The following SART3 variants were observed in gnomAD, a reference collection of about 807,000 sequenced individuals.
The protein encoded by SART3 is HIV-1 Tat-interacting protein of 110kDa.
Under a neutral mutation model 122.3 loss-of-function variants are expected in SART3, and 44 were observed. The observed-to-expected ratio is 0.36, with a 90% CI of 0.28 to 0.46. The LOEUF (loss-of-function observed/expected upper bound fraction) is 0.46, where lower values mean the gene tolerates loss of function less well. Ranked by LOEUF, SART3 falls within the 20% of genes least tolerant of loss-of-function variation. The pLI is 1.00. For missense variants in SART3, 1,101 were observed against 1,229.0 expected, an observed-to-expected ratio of 0.90 and a Z score of 1.56; for synonymous variants, 442 against 454.0, an observed-to-expected ratio of 0.97 and a Z score of 0.34.
At position 108,545,238 on chromosome 12, in the gene SART3, A is replaced by G. The variant is rs368050558; in HGVS notation, c.630T>C (p.Phe210=). 2.5e-6 allele frequency: 4 copies of G among 1,614,168 alleles called. No homozygotes were observed. The highest frequency in any genetic ancestry group is 3.4e-6 in the Non-Finnish European group (4 of 1,180,024). ...KGGLEKVRSV[F]ERALSSVGLH... ...AACCAACAGACGAGAGAGCCCTTTC[A>G]AACACGGAGCGAACTTTCTCAAGGC... The change falls in exon 4 of 19, where the codon TTT becomes TTC. Residue 210 remains phenylalanine (F), a synonymous_variant. Transcript: ENST00000546815.
chr12:108,538,870 C>G, intron 7 of SART3, 64 bp downstream of exon 7: 1 of 1,603,774 alleles, frequency 6.2e-7, no homozygotes, highest in Admixed American at 1.7e-5. Context: ...TCCTGGCACT[C>G]TTACTGATTT....
intron 17 of SART3, 102 bp from the exon 18 acceptor site, chr12:108,524,608 C>T (rs1872281620): frequency 4.6e-6 from 5 of 1,079,902 alleles, no homozygotes; most frequent in Non-Finnish European, 7.1e-6. Flanking sequence ...GACCAGCAGA[C>T]CAGGCCACAG....
chr12:108,525,559 G>A lies in SART3; in HGVS notation c.2421C>T (p.Gly807=), dbSNP rs1015568275. Residue 807 remains glycine (G), a synonymous_variant, in exon 17 of 19, where the codon GGC becomes GGT. Transcript: ENST00000546815. ...CCTCTTTAGTACAGGAGAAAGGCAG[G>A]CCTGAGATGAACAGCTTGTGTTTCT... ...SLEKHKLFIS[G]LPFSCTKEEL... The A allele has an allele frequency of 5.6e-6, 9 of 1,613,964 alleles. No individual in the cohort carries two copies. In the Admixed American group the frequency reaches 1.3e-4, roughly 24 times the overall value.
intron 13 of SART3, chr12:108,531,640 A>ATT (rs745507863): frequency 0.87 from 245,643 of 283,058 alleles, 106,747 homozygotes; most frequent in East Asian, 0.93. Context: ...GGTCTTTGCA[A>ATT]GCCAGTTCTG....
Position 108,526,298 on chromosome 12 carries a change from G to A in SART3, c.2171C>T (p.Pro724Leu), listed in dbSNP as rs1302396783. ...SMQEPDTKLR[P>L]LFEACGEVVQ... is the part of the protein sequence containing the mutation. ...CACCTCCCCACAGGCCTCGAAGAGT[G>A]GCCTGAGCTTCGTGTCCGGCTCCTG... is the stretch of plus-strand genomic sequence containing the variant. The change falls in exon 16 of 19, where the codon CCA (proline) becomes CTA (leucine). Residue 724 changes from proline to leucine, a missense_variant. Pro to Leu is a moderately conservative substitution (Grantham distance 98, BLOSUM62 -3). This residue lies in a region of SART3 where 885 missense variants were observed against 1,080.1 expected (regional missense o/e 0.82). Transcript: ENST00000546815. 6.2e-7 allele frequency: 1 copy of A among 1,614,218 alleles called. No homozygotes were observed. Among genetic ancestry groups the A allele is most frequent in the East Asian group, 2.2e-5 (1 of 44,882 alleles).
At chr12:108,556,932 C>T (rs2136697672) in intron 1 of SART3, among the ~76,000 whole-genome samples, 1 of 152,326 alleles carries the variant, frequency 6.6e-6, no homozygotes, top group South Asian at 2.1e-4. Context: ...AAGTGCCCCT[C>T]ACATGAACAC....
At chr12:108,531,481 G>C in intron 13 of SART3, 1 of 562,406 alleles carries the variant, frequency 1.8e-6, no homozygotes, top group Non-Finnish European at 3.2e-6. Context: ...TTTCAGGAGA[G>C]ACTTGAAAAC....
chr12:108,554,591 C>T (rs1314828854), intron 1 of SART3, among the ~76,000 whole-genome samples: 3 of 150,946 alleles, frequency 2.0e-5, no homozygotes, highest in Non-Finnish European at 4.4e-5. Flanking sequence ...TAGAAAGGCA[C>T]TTCCTTAACC....
At chr12:108,544,361 A>G in intron 5 of SART3, 66 bp downstream of exon 5, 1 of 1,373,172 alleles carries the variant, frequency 7.3e-7, no homozygotes, top group Non-Finnish European at 1.0e-6. Context: ...GTCTAACTAC[A>G]TGTTGTTCCC....
intron 3 of SART3, among the ~76,000 whole-genome samples, chr12:108,546,240 C>T (rs1873411581): frequency 6.6e-6 from 1 of 152,110 alleles, no homozygotes; most frequent in Non-Finnish European, 1.5e-5. Context: ...CGTTCTGTCG[C>T]CCAGGCTAGC....
chr12:108,550,262 G>A (rs1244203563), intron 1 of SART3, among the ~76,000 whole-genome samples: 4 of 152,074 alleles, frequency 2.6e-5, no homozygotes, highest in Admixed American at 6.5e-5. Flanking sequence ...TTAGAAGAAG[G>A]AATCCTAAAG....
chr12:108,552,778 C>A (rs1056117219), intron 1 of SART3, among the ~76,000 whole-genome samples: 6 of 152,154 alleles, frequency 3.9e-5, no homozygotes, highest in African/African-American at 1.4e-4. Context: ...AACTGACTTA[C>A]AGGCTTACTG....
At position 108,530,154 on chromosome 12, in the gene SART3, C is replaced by T. The variant is rs1385688412; in HGVS notation, c.1903G>A (p.Asp635Asn). 16 of 1,614,024 alleles carry T rather than the reference C, an allele frequency of 9.9e-6. No individual in the cohort carries two copies. The highest frequency in any genetic ancestry group is 1.6e-4 in the Middle Eastern group (1 of 6,084). Residue 635 changes from aspartate to asparagine, a missense_variant, in exon 15 of 19, where the codon GAT (aspartate) becomes AAT (asparagine). Around this residue, in one of 2 missense-constraint regions of SART3, gnomAD observed 885 missense variants for 1,080.1 expected, o/e 0.82. Coordinates refer to ENST00000546815, the MANE Select transcript of SART3 (RefSeq NM_014706.4). Reference protein sequence around the residue: ...ADEDDEKEWGDDEEEQPSKRR... With the variant: ...ADEDDEKEWGNDEEEQPSKRR... ...AAGAGCTCCTTACCTTCTTCATCAT[C>T]GCCCCACTCTTTCTCATCATCCTCA...
rs755812268 is a variant in SART3, at chr12:108,561,160, G to A, written c.-6C>T. ...GTTTCGGCCGCAGTCGCCATCTTGC[G>A]CTTCTAATGACTCTCGGGTCTTCCC... On this transcript the variant is annotated 5_prime_UTR_variant, in exon 1 of 19. Transcript: ENST00000546815. 1.2e-5 allele frequency: 20 copies of A among 1,612,734 alleles called. No homozygotes were observed. The East Asian group carries it at 4.0e-4, about 32-fold the overall frequency.
chr12:108,538,024 G>A, intron 8 of SART3, 41 bp downstream of exon 8: 1 of 1,613,332 alleles, frequency 6.2e-7, no homozygotes, highest in Non-Finnish European at 8.5e-7. Flanking sequence ...TTTTCACTTG[G>A]GACAAATAGC....
chr12:108,535,691 C>G, intron 11 of SART3: 1 of 561,216 alleles, frequency 1.8e-6, no homozygotes, highest in Non-Finnish European at 3.3e-6. Context: ...TCCTGAGAAC[C>G]GAGAGAGGGA....
At chr12:108,560,536 C>G (rs569297312) in intron 1 of SART3, 1 of 427,262 alleles carries the variant, frequency 2.3e-6, no homozygotes, top group Admixed American at 4.2e-5. Flanking sequence ...AAGTACAAGG[C>G]CTGACTTGCA....
At chr12:108,551,507 A>T (rs1456855652) in intron 1 of SART3, among the ~76,000 whole-genome samples, 2 of 152,200 alleles carry the variant, frequency 1.3e-5, no homozygotes, top group African/African-American at 2.4e-5. Flanking sequence ...AAAGCAAATT[A>T]AAAAATTTTT....
At chr12:108,535,048 T>C (rs540510068) in intron 12 of SART3, among the ~76,000 whole-genome samples, 260 of 152,336 alleles carry the variant, frequency 1.7e-3, no homozygotes, top group African/African-American at 5.9e-3. Context: ...CTTTTTAGTA[T>C]TTTCTACTTT....
Sources: allele counts gnomAD v4.1 joint callset (sites outside exome capture counted in the v4.1 genomes callset), GRCh38; gene constraint gnomAD v4.1.1; regional missense constraint gnomAD v4.1.1; transcripts MANE v1.5; gene names NCBI Gene and HGNC (gene_info 2026-07-23, HGNC 2026-07-21).